Variants in RUBCNL observed in about 807,000 individuals in gnomAD.
RUBCNL encodes the protein protein associated with UVRAG as autophagy enhancer.
A neutral mutation model predicts 69.5 loss-of-function variants in RUBCNL; 62 were observed. That is an observed-to-expected ratio of 0.89 (90% CI 0.73 to 1.10). The LOEUF is 1.10. RUBCNL is among the 50% of genes least tolerant of loss of function. The pLI is 0.00. For synonymous variants in RUBCNL, 291 were observed against 303.6 expected (o/e 0.96, Z 0.43); for missense variants, 768 against 798.1 (o/e 0.96, Z 0.45).
At chr13:46,382,738 T>A (rs1032516796) in intron 1 of RUBCNL, among the ~76,000 whole-genome samples, 1 of 152,104 alleles carries the variant, frequency 6.6e-6, no homozygotes, top group Non-Finnish European at 1.5e-5. Flanking sequence ...GGTTTCGCTA[T>A]GTTGGCCAGG....
intron 5 of RUBCNL, among the ~76,000 whole-genome samples, chr13:46,366,592 A>G (rs1022310254): frequency 6.6e-5 from 10 of 152,186 alleles, no homozygotes; most frequent in African/African-American, 2.4e-4. Context: ...CAGGTATTTG[A>G]TCATATACCT....
At chr13:46,348,234 TG>T (rs1443521395) in intron 12 of RUBCNL, among the ~76,000 whole-genome samples, 1 of 152,188 alleles carries the variant, frequency 6.6e-6, no homozygotes, top group East Asian at 1.9e-4. Context: ...TTTTGCAAGA[TG>T]AAAAGAGTTT....
chr13:46,352,442 G>A (rs1443620969), intron 10 of RUBCNL, among the ~76,000 whole-genome samples: 1 of 152,168 alleles, frequency 6.6e-6, no homozygotes, highest in Non-Finnish European at 1.5e-5. Context: ...TCATGGATGG[G>A]AAAGCAGCTG....
chr13:46,388,921 C>T (rs2049304706), upstream of RUBCNL, among the ~76,000 whole-genome samples: 1 of 152,198 alleles, frequency 6.6e-6, no homozygotes, highest in South Asian at 2.1e-4. Flanking sequence ...AATTACCCTG[C>T]TTCCCTTGGG....
At chr13:46,358,517 T>C (rs1162699666) in intron 9 of RUBCNL, among the ~76,000 whole-genome samples, 2 of 152,250 alleles carry the variant, frequency 1.3e-5, no homozygotes, top group Non-Finnish European at 2.9e-5. Flanking sequence ...TTGTTACTTC[T>C]TAGAGAACAA....
chr13:46,362,854 T>C (rs1047875645), intron 6 of RUBCNL, among the ~76,000 whole-genome samples: 5 of 138,402 alleles, frequency 3.6e-5, no homozygotes, highest in Admixed American at 7.4e-5. Flanking sequence ...ATAATGAATA[T>C]CTGCTTTTTC....
At chr13:46,379,657 CAAAT>C (rs1041066818) in intron 1 of RUBCNL, among the ~76,000 whole-genome samples, 3 of 152,078 alleles carry the variant, frequency 2.0e-5, no homozygotes, top group Admixed American at 6.6e-5. Flanking sequence ...ATAGAAATCA[CAAAT>C]AAATAAGAGT....
intron 10 of RUBCNL, chr13:46,354,689 G>A: frequency 2.3e-6 from 1 of 435,254 alleles, no homozygotes; most frequent in Non-Finnish European, 4.7e-6. Flanking sequence ...CTCAGATGAA[G>A]TTCCCTTGCT....
In RUBCNL at chr13:46,344,773, G is replaced by A; in HGVS notation, c.1844C>T (p.Pro615Leu). Residue 615 changes from proline to leucine, a missense_variant, in exon 14 of 15, where the codon CCA becomes CTA. By Grantham distance (98) the Pro-to-Leu change is moderately conservative. Transcript: ENST00000429979. ...TCTTCTACATGTTGCTGTCTGAAATGGGAAGATGACAGTCGTATTCTGGCA... is the reference window on the plus strand; with the variant it reads ...TCTTCTACATGTTGCTGTCTGAAATAGGAAGATGACAGTCGTATTCTGGCA... The part of the protein sequence containing the change: ...EFCQNTTVIF[P>L]FQTATCRRCS... 1 of 1,611,174 alleles carries A rather than the reference G, an allele frequency of 6.2e-7. No homozygotes were observed. The highest frequency in any genetic ancestry group is 8.5e-7 in the Non-Finnish European group (1 of 1,178,402).
chr13:46,388,199 C>CAAAAAA (rs71074779), upstream of RUBCNL, among the ~76,000 whole-genome samples: 3 of 68,178 alleles, frequency 4.4e-5, no homozygotes, highest in African/African-American at 1.3e-4. Context: ...GCAAGACTGT[C>CAAAAAA]AAAAAAAAAA....
chr13:46,374,156 T>C (rs2048938201), intron 2 of RUBCNL, among the ~76,000 whole-genome samples: 1 of 152,204 alleles, frequency 6.6e-6, no homozygotes, highest in South Asian at 2.1e-4. Context: ...CTCGGCTCAC[T>C]CCAACCTCTG....
chr13:46,382,236 A>T (rs2049133563), intron 1 of RUBCNL, among the ~76,000 whole-genome samples: 1 of 152,206 alleles, frequency 6.6e-6, no homozygotes. Context: ...AGGGAGCTGT[A>T]TTTCATGGGC....
At position 46,342,515 on chromosome 13, in the gene RUBCNL, TCATTTAAC is replaced by T. The variant is rs1330473532; in HGVS notation, c.*862_*869del. 6.6e-6 allele frequency: 1 copy of T among 152,264 alleles called. No homozygotes were observed. The highest frequency in any genetic ancestry group is 1.5e-5 in the Non-Finnish European group (1 of 68,044). 9.4% of individuals were successfully genotyped at this position (152,264 alleles called of 1,614,324 possible). On this transcript the variant is annotated 3_prime_UTR_variant, in exon 15 of 15. Coordinates refer to ENST00000429979, the MANE Select transcript of RUBCNL (RefSeq NM_025113.5). The stretch of plus-strand genomic sequence containing the variant: ...AAGAAATTCATAAAGGTTTTGTGAT[TCATTTAAC>T]CTTATTAGTCAATGTCTATGATTTT...
At chr13:46,361,410 C>G (rs2048606518) in intron 8 of RUBCNL, 31 bp downstream of exon 8, 1 of 1,610,186 alleles carries the variant, frequency 6.2e-7, no homozygotes, top group Non-Finnish European at 8.5e-7. Context: ...TAGGAACTTT[C>G]AATTCAAGGT....
chr13:46,353,782 A>T (rs371451927), intron 10 of RUBCNL, among the ~76,000 whole-genome samples: 1 of 152,250 alleles, frequency 6.6e-6, no homozygotes, highest in African/African-American at 2.4e-5. Context: ...ATAACTTTCC[A>T]TGGGGATAAA....
chr13:46,386,636 G>A (rs2049253190), intron 1 of RUBCNL, among the ~76,000 whole-genome samples: 2 of 152,194 alleles, frequency 1.3e-5, no homozygotes, highest in South Asian at 4.1e-4. Flanking sequence ...TAGGGCGCCC[G>A]GACCAAATAA....
At chr13:46,357,288 G>A (rs181562576) in intron 9 of RUBCNL, among the ~76,000 whole-genome samples, 30 of 145,972 alleles carry the variant, frequency 2.1e-4, no homozygotes, top group Non-Finnish European at 3.3e-4. Context: ...AGCCAAGATC[G>A]CGCCACTGCA....
In RUBCNL at chr13:46,377,877, G is replaced by T; in HGVS notation, c.-123+13C>A. On this transcript the variant is annotated intron_variant, in intron 2 of 14. Coordinates refer to ENST00000429979, the MANE Select transcript of RUBCNL (RefSeq NM_025113.5). ...TGGCAGAGAGAAGACAAAAGGCCAGGTCGGACACTCACCAGGAGTATGAAT... is the reference window on the plus strand; with the variant it reads ...TGGCAGAGAGAAGACAAAAGGCCAGTTCGGACACTCACCAGGAGTATGAAT... 6.5e-7 allele frequency: 1 copy of T among 1,531,182 alleles called. No individual in the cohort carries two copies. The highest frequency in any genetic ancestry group is 9.0e-7 in the Non-Finnish European group (1 of 1,109,214). The allele number at this position is 1,531,182 out of a possible 1,614,324, so 94.8% of individuals were successfully genotyped here. A position where few individuals can be genotyped will look rare whatever the true frequency, so the allele number is the denominator to read the frequency against.
chr13:46,362,237 C>T (rs2048629888), intron 7 of RUBCNL, among the ~76,000 whole-genome samples: 1 of 152,024 alleles, frequency 6.6e-6, no homozygotes, highest in African/African-American at 2.4e-5. Context: ...AACTCGGTCT[C>T]AAAAACAACA....
Sources: gnomAD v4.1 joint callset for allele counts (sites outside exome capture counted in the v4.1 genomes callset) on GRCh38, gnomAD v4.1.1 for gene constraint, MANE v1.5 for transcripts, NCBI Gene and HGNC (gene_info 2026-07-23, HGNC 2026-07-21) for gene names.